AHCYL2: variants seen among roughly 807,000 people sequenced by gnomAD.
The protein encoded by AHCYL2 is adenosylhomocysteinase like 2.
Under a neutral mutation model 81.4 loss-of-function variants are expected in AHCYL2, and 28 were observed. The observed-to-expected ratio is 0.34, with a 90% CI of 0.25 to 0.47. AHCYL2 has a LOEUF of 0.47. Ranked by LOEUF, AHCYL2 falls within the 20% of genes least tolerant of loss-of-function variation. The probability of loss-of-function intolerance (pLI) is 1.00; values close to 1 mark genes in which losing one functional copy is unlikely to be tolerated. For missense variants in AHCYL2, 551 were observed against 785.1 expected, an observed-to-expected ratio of 0.70 and a Z score of 3.56; for synonymous variants, 272 against 290.2, an observed-to-expected ratio of 0.94 and a Z score of 0.64.
chr7:129,378,316 A>T (rs1426627596), intron 1 of AHCYL2, among the ~76,000 whole-genome samples: 1 of 152,124 alleles, frequency 6.6e-6, no homozygotes, highest in Non-Finnish European at 1.5e-5. Flanking sequence ...ATCTAAAAAA[A>T]AAAAAATAAA....
At chr7:129,386,830 G>A (rs1795225895) in intron 2 of AHCYL2, among the ~76,000 whole-genome samples, 1 of 152,200 alleles carries the variant, frequency 6.6e-6, no homozygotes, top group Non-Finnish European at 1.5e-5. Context: ...GGGTAGATTA[G>A]TAGGAGATGA....
At chr7:129,343,030 T>C (rs2150818719) in intron 1 of AHCYL2, among the ~76,000 whole-genome samples, 1 of 152,348 alleles carries the variant, frequency 6.6e-6, no homozygotes, top group South Asian at 2.1e-4. Flanking sequence ...TATGGGGATA[T>C]AAATTCCAAA....
chr7:129,272,257 G>A (rs1796045970), intron 1 of AHCYL2, among the ~76,000 whole-genome samples: 1 of 152,128 alleles, frequency 6.6e-6, no homozygotes, highest in South Asian at 2.1e-4. Flanking sequence ...AAAAGCCCAG[G>A]CCCTAGGCGT....
chr7:129,405,046 G>A, intron 7 of AHCYL2, 51 bp from the exon 8 acceptor site: 1 of 1,235,494 alleles, frequency 8.1e-7, no homozygotes, highest in Non-Finnish European at 1.1e-6. Context: ...GAAAGCAATG[G>A]TAGATTGTAA....
chr7:129,346,831 C>A (rs1044661389), intron 1 of AHCYL2, among the ~76,000 whole-genome samples: 1 of 152,146 alleles, frequency 6.6e-6, no homozygotes, highest in African/African-American at 2.4e-5. Flanking sequence ...AACCTGCTCA[C>A]AGGTGTTTAT....
At chr7:129,296,864 C>T (rs1018860932) in intron 1 of AHCYL2, among the ~76,000 whole-genome samples, 1 of 152,148 alleles carries the variant, frequency 6.6e-6, no homozygotes, top group Non-Finnish European at 1.5e-5. Context: ...AATTTCAGGA[C>T]ATTCTGATAC....
chr7:129,285,694 CTCTT>C (rs749011162), intron 1 of AHCYL2, among the ~76,000 whole-genome samples: 1 of 122,876 alleles, frequency 8.1e-6, no homozygotes, highest in Non-Finnish European at 1.6e-5. Context: ...TTCTCTCTCT[CTCTT>C]TTTTTTTTTT....
At chr7:129,338,485 A>G (rs995549501) in intron 1 of AHCYL2, among the ~76,000 whole-genome samples, 7 of 152,176 alleles carry the variant, frequency 4.6e-5, no homozygotes, top group Non-Finnish European at 1.0e-4. Context: ...ATATTACTAA[A>G]TGGCTTTTCA....
chr7:129,383,777 G>A (rs912263324), intron 2 of AHCYL2, among the ~76,000 whole-genome samples: 1 of 151,960 alleles, frequency 6.6e-6, no homozygotes, highest in South Asian at 2.1e-4. Context: ...CTCCTGCTTC[G>A]AGACCTTTGT....
intron 10 of AHCYL2, among the ~76,000 whole-genome samples, chr7:129,407,739 A>T (rs555512865): frequency 5.9e-5 from 9 of 152,386 alleles, no homozygotes; most frequent in Admixed American, 3.9e-4. Flanking sequence ...AAATGAGATA[A>T]GGTCCTGCTT....
At chr7:129,265,187 G>C (rs933938050) in intron 1 of AHCYL2, among the ~76,000 whole-genome samples, 1 of 152,186 alleles carries the variant, frequency 6.6e-6, no homozygotes, top group African/African-American at 2.4e-5. Flanking sequence ...TTAGTATGCT[G>C]CTTCCATCAT....
At position 129,426,508 on chromosome 7, in the gene AHCYL2, C is replaced by G; in HGVS notation, c.1774C>G (p.Gln592Glu). 6.2e-7 allele frequency: 1 copy of G among 1,614,094 alleles called. No individual in the cohort carries two copies. The highest frequency in any genetic ancestry group is 2.2e-5 in the East Asian group (1 of 44,876). ...CCACTTGACAGAGCTGACAGATGAA[C>G]AGGCCAAGTATCTGGGACTCAACAA... ...DAHLTELTDE[Q>E]AKYLGLNKNG... The change falls in exon 16 of 17, where the codon CAG (glutamine) becomes GAG (glutamate). Residue 592 changes from glutamine (Q) to glutamate (E), a missense_variant. Physicochemically the swap from Gln to Glu is conservative, Grantham distance 29. Transcript: ENST00000325006. This position sits in a 1 kb window ranked among gnomAD's most constrained non-coding sequence, Gnocchi z 4.3.
intron 1 of AHCYL2, among the ~76,000 whole-genome samples, chr7:129,356,197 T>TTTCAAAGTTGAC (rs1392874113): frequency 5.3e-5 from 8 of 152,192 alleles, no homozygotes; most frequent in African/African-American, 1.7e-4. Flanking sequence ...CTTTAACCAT[T>TTTCAAAGTTGAC]TTCAAAGTTG....
chr7:129,408,206 A>G (rs529445563), intron 10 of AHCYL2, among the ~76,000 whole-genome samples: 11 of 152,336 alleles, frequency 7.2e-5, no homozygotes, highest in African/African-American at 2.6e-4. Flanking sequence ...TCCAAATTGC[A>G]TTTAGGAAAA....
chr7:129,295,061 G>C (rs1797006291), intron 1 of AHCYL2, among the ~76,000 whole-genome samples: 1 of 152,192 alleles, frequency 6.6e-6, no homozygotes, highest in African/African-American at 2.4e-5. Flanking sequence ...TTGGCAGTAG[G>C]CCATTGGAAC....
At chr7:129,395,679 A>G (rs113198965) in intron 4 of AHCYL2, among the ~76,000 whole-genome samples, 194 of 152,236 alleles carry the variant, frequency 1.3e-3, no homozygotes, top group Middle Eastern at 3.4e-3. Flanking sequence ...CTATGAGAGA[A>G]GAGTGTAGGG....
intron 1 of AHCYL2, among the ~76,000 whole-genome samples, chr7:129,372,533 C>T (rs1291211881): frequency 6.6e-6 from 1 of 152,150 alleles, no homozygotes; most frequent in Non-Finnish European, 1.5e-5. Context: ...CTCAGCTGGG[C>T]GTGGTGCCTC....
intron 1 of AHCYL2, among the ~76,000 whole-genome samples, chr7:129,277,278 C>CGTTTTTTTTTTTTT (rs35753023): frequency 3.7e-5 from 5 of 135,792 alleles, no homozygotes; most frequent in African/African-American, 2.7e-5. Context: ...AAGTCTCTCT[C>CGTTTTTTTTTTTTT]TTTTTTTTTT....
chr7:129,276,486 C>T (rs1796210192), intron 1 of AHCYL2, among the ~76,000 whole-genome samples: 1 of 150,844 alleles, frequency 6.6e-6, no homozygotes, highest in Admixed American at 6.6e-5. Flanking sequence ...CACAGTGGCT[C>T]ATGCCTATAA....
Sources: gnomAD v4.1 joint callset for allele counts (sites outside exome capture counted in the v4.1 genomes callset) on GRCh38, gnomAD v4.1.1 for gene constraint, Gnocchi (gnomAD v3.1) non-coding constraint, MANE v1.5 for transcripts, NCBI Gene and HGNC (gene_info 2026-07-23, HGNC 2026-07-21) for gene names.